Variants in CYP11A1 observed in about 807,000 individuals in gnomAD.
CYP11A1 encodes the protein cytochrome P450 family 11 subfamily A member 1.
A neutral mutation model predicts 51.9 loss-of-function variants in CYP11A1; 25 were observed. The ratio of observed to expected loss-of-function variants is 0.48; its 90% CI spans 0.35 to 0.67. CYP11A1 has a LOEUF of 0.67. Among genes scored for constraint, CYP11A1 ranks in the 30% least tolerant of loss-of-function variants. The pLI, the probability that CYP11A1 is intolerant of heterozygous loss-of-function variation, is 0.00. For synonymous variants in CYP11A1, 245 were observed against 262.1 expected (o/e 0.93, Z 0.63); for missense variants, 578 against 680.9 (o/e 0.85, Z 1.68).
chr15:74,337,897 G>A lies in CYP11A1; in HGVS notation c.*75C>T, dbSNP rs898580861. The A allele has an allele frequency of 5.0e-6, 8 of 1,595,498 alleles. No homozygotes were observed. The highest frequency in any genetic ancestry group is 2.2e-5 in the East Asian group (1 of 44,704). On this transcript the variant is annotated 3_prime_UTR_variant, in exon 9 of 9. Transcript: ENST00000268053. The stretch of plus-strand genomic sequence containing the variant: ...GAAAGGAGCAGGACTTGGGACAGAC[G>A]ACTGAAGATGCAGAGACCCCATGGG...
Position 74,361,666 on chromosome 15 carries a change from T to G in CYP11A1, c.269+5651A>C, listed in dbSNP as rs2060709548. ...AAAACAGCAGAAAACTTTCATGCTCTGAGCACTGGAGAGGAAGGATTTGGT... is the reference window on the plus strand; with the variant it reads ...AAAACAGCAGAAAACTTTCATGCTCGGAGCACTGGAGAGGAAGGATTTGGT... On this transcript the variant is annotated intron_variant, in intron 1 of 8. Transcript: ENST00000268053. 3 of 1,215,348 alleles carry G rather than the reference T, an allele frequency of 2.5e-6. No homozygotes were observed. The Admixed American group carries it at 5.1e-5, about 21-fold the overall frequency. 75.3% of individuals were successfully genotyped at this position (1,215,348 alleles called of 1,614,324 possible).
intron 5 of CYP11A1, among the ~76,000 whole-genome samples, chr15:74,341,961 C>T (rs1026992611): frequency 6.6e-6 from 1 of 152,310 alleles, no homozygotes; most frequent in Admixed American, 6.5e-5. Flanking sequence ...GAACTTCCAG[C>T]CTCCGGAACT....
At chr15:74,347,459 C>T (rs1218905158) in intron 2 of CYP11A1, among the ~76,000 whole-genome samples, 1 of 152,134 alleles carries the variant, frequency 6.6e-6, no homozygotes, top group African/African-American at 2.4e-5. Flanking sequence ...ATCCACTACA[C>T]TTAAATACAC....
chr15:74,344,952 T>C (rs747738719), intron 3 of CYP11A1, 92 bp downstream of exon 3: 8 of 1,198,658 alleles, frequency 6.7e-6, no homozygotes, highest in African/African-American at 1.5e-5. Flanking sequence ...TCAATGCCTC[T>C]GCAGGGTCTG....
Position 74,345,347 on chromosome 15 carries a change from C to T in CYP11A1, c.426-104G>A. The T allele has an allele frequency of 8.1e-7, 1 of 1,236,380 alleles. No individual in the cohort carries two copies. The highest frequency in any genetic ancestry group is 1.2e-6 in the Non-Finnish European group (1 of 856,674). The allele number at this position is 1,236,380 out of a possible 1,614,324, so 76.6% of individuals were successfully genotyped here. A position where few individuals can be genotyped will look rare whatever the true frequency, so the allele number is the denominator to read the frequency against. On this transcript the variant is annotated intron_variant, in intron 2 of 8. Coordinates refer to ENST00000268053, the MANE Select transcript of CYP11A1 (RefSeq NM_000781.3). This position sits in a 1 kb window ranked among gnomAD's most constrained non-coding sequence, Gnocchi z 4.3. Reference sequence around the variant, plus strand: ...TCCCAGGAAGCTGAGTCACAGCTCACAGCATCCAGCACTCCCACCAGGGCC... The same window carrying T: ...TCCCAGGAAGCTGAGTCACAGCTCATAGCATCCAGCACTCCCACCAGGGCC...
In CYP11A1 at chr15:74,343,844, G is replaced by C. The variant is rs1416104210; in HGVS notation, c.774C>G (p.Phe258Leu). The C allele has an allele frequency of 6.2e-7, 1 of 1,613,578 alleles. No homozygotes were observed. The highest frequency in any genetic ancestry group is 8.5e-7 in the Non-Finnish European group (1 of 1,180,040). The change falls in exon 4 of 9, where the codon TTC (phenylalanine) becomes TTG (leucine). Residue 258 changes from phenylalanine (F) to leucine (L), a missense_variant. Physicochemically the swap from Phe to Leu is conservative, Grantham distance 22 (BLOSUM62 0). Transcript: ENST00000268053. ...LNLPPDLFRLFRTKTWKDHVA... is the reference protein window; with the variant it reads ...LNLPPDLFRLLRTKTWKDHVA... The stretch of plus-strand genomic sequence containing the variant: ...CATGGTCCTTCCAGGTCTTGGTCCT[G>C]AACAGACGGAACAGGTCTGGGGGAA...
rs189901407 is a variant in CYP11A1 at position 74,338,784 on chromosome 15, C to G, written c.1237-16G>C. On this transcript the variant is annotated splice_polypyrimidine_tract_variant and intron_variant, in intron 7 of 8. Transcript: ENST00000268053. ...GCACCAGTGTCTGGGGCAAGGTGAT[C>G]AGAGGCCTGAGTAAGCCCCACTTCC... 3,171 of 1,612,856 alleles carry G rather than the reference C, an allele frequency of 2.0e-3. 6 individuals are homozygous for G. The highest frequency in any genetic ancestry group is 2.0e-3 in the Non-Finnish European group (2,359 of 1,179,310).
intron 1 of CYP11A1, among the ~76,000 whole-genome samples, chr15:74,352,346 T>G (rs1281968084): frequency 6.9e-6 from 1 of 144,532 alleles, no homozygotes; most frequent in Non-Finnish European, 1.5e-5. Context: ...CTCGGCTCAC[T>G]GCAACCTCCG....
chr15:74,343,756 CGAG>C (rs1392612464), intron 4 of CYP11A1, 30 bp downstream of exon 4: 2 of 1,588,976 alleles, frequency 1.3e-6, no homozygotes, highest in Non-Finnish European at 1.7e-6. Flanking sequence ...CCTGGGGCTC[CGAG>C]GAGGAGAGCA....
intron 4 of CYP11A1, 53 bp from the exon 5 acceptor site, chr15:74,343,190 A>G (rs1405671390): frequency 3.7e-5 from 59 of 1,597,092 alleles, no homozygotes; most frequent in Non-Finnish European, 4.8e-5. Flanking sequence ...GGCGGGTGGG[A>G]AGGAGGGCAG....
rs1431056796 is a variant in CYP11A1, at chr15:74,345,841, G to A, written c.426-598C>T. Among the ~76,000 whole-genome samples the A allele has an allele frequency of 1.3e-5, 2 of 152,108 alleles. No individual in the cohort carries two copies. Among genetic ancestry groups the A allele is most frequent in the Non-Finnish European group, 2.9e-5 (2 of 68,010 alleles). ...CTCTTCGTGACTTGGGGGTGTTTTT[G>A]TTGATAAGAATATTATCACAAACTT... On this transcript the variant is annotated intron_variant, in intron 2 of 8. Transcript: ENST00000268053. This position sits in a 1 kb window ranked among gnomAD's most constrained non-coding sequence, Gnocchi z 4.3.
intron 1 of CYP11A1, among the ~76,000 whole-genome samples, chr15:74,364,806 C>T (rs535174097): frequency 6.6e-6 from 1 of 152,246 alleles, no homozygotes; most frequent in Non-Finnish European, 1.5e-5. Context: ...GGGACAGAAG[C>T]ACTAATAGGC....
At position 74,342,971 on chromosome 15, in the gene CYP11A1, C is replaced by T. The variant is rs778793089; in HGVS notation, c.990+6G>A. 2.5e-6 allele frequency: 4 copies of T among 1,612,210 alleles called. No homozygotes were observed. Among genetic ancestry groups the T allele is most frequent in the African/African-American group, 2.7e-5 (2 of 74,988 alleles). On this transcript the variant is annotated splice_donor_region_variant and intron_variant, in intron 5 of 8. Coordinates refer to ENST00000268053, the MANE Select transcript of CYP11A1 (RefSeq NM_000781.3). Reference sequence around the variant, plus strand: ...CAACAAGGTGCCGCCCCTACAGCCACCTCACCGTGTCCACCCCTCCTGCCA... The same window carrying T: ...CAACAAGGTGCCGCCCCTACAGCCATCTCACCGTGTCCACCCCTCCTGCCA...
Position 74,337,804 on chromosome 15 carries a change from G to A in CYP11A1, c.*168C>T. ...TTGTCTCCATGGGGTGGGTGAAGAG[G>A]AGTGGCCCAGCTGAGCTGAGGAAGG... On this transcript the variant is annotated 3_prime_UTR_variant, in exon 9 of 9. Coordinates refer to ENST00000268053, the MANE Select transcript of CYP11A1 (RefSeq NM_000781.3). The A allele has an allele frequency of 5.0e-6, 4 of 797,426 alleles. No individual in the cohort carries two copies. The highest frequency in any genetic ancestry group is 8.4e-6 in the Non-Finnish European group (4 of 475,004). The allele number at this position is 797,426 out of a possible 1,614,324, so 49.4% of individuals were successfully genotyped here. A position where few individuals can be genotyped will look rare whatever the true frequency, so the allele number is the denominator to read the frequency against.
At chr15:74,366,312 C>G (rs1258492136) in intron 1 of CYP11A1, 2 of 885,018 alleles carry the variant, frequency 2.3e-6, no homozygotes, top group African/African-American at 2.4e-5. Flanking sequence ...GACAGAGTTT[C>G]GCTTTTGTTG....
chr15:74,364,752 G>A (rs7163952), intron 1 of CYP11A1: 2,785 of 152,514 alleles, frequency 0.018, 62 homozygotes, highest in East Asian at 0.12. Flanking sequence ...AAAGGGAAGA[G>A]AGGAGGAAGC....
At position 74,338,557 on chromosome 15, in the gene CYP11A1, C is replaced by T; in HGVS notation, c.1434+14G>A. The T allele has an allele frequency of 6.2e-7, 1 of 1,614,028 alleles. No homozygotes were observed. The highest frequency in any genetic ancestry group is 8.5e-7 in the Non-Finnish European group (1 of 1,179,928). On this transcript the variant is annotated intron_variant, in intron 8 of 8. Transcript: ENST00000268053. ...GCCAGCCCAGGGTGCCTAGATGTCC[C>T]CAGCTTGACTCACATTGATGAGGAA...
At chr15:74,339,516 TTTCCCCGGGCAC>T in intron 6 of CYP11A1, 59 bp downstream of exon 6, 1 of 1,582,484 alleles carries the variant, frequency 6.3e-7, no homozygotes, top group Non-Finnish European at 8.6e-7. Context: ...CTCGTAACCC[TTTCCCCGGGCAC>T]TTCCCTGGCC....
chr15:74,360,990 G>T (rs2060705899), intron 1 of CYP11A1, among the ~76,000 whole-genome samples: 1 of 152,214 alleles, frequency 6.6e-6, no homozygotes, highest in African/African-American at 2.4e-5. Flanking sequence ...AGTAGAAAGT[G>T]TTGGGGGTTT....
Sources: allele counts gnomAD v4.1 joint callset (sites outside exome capture counted in the v4.1 genomes callset), GRCh38; gene constraint gnomAD v4.1.1; non-coding constraint Gnocchi (gnomAD v3.1); transcripts MANE v1.5; gene names NCBI Gene and HGNC (gene_info 2026-07-23, HGNC 2026-07-21).